MCL1: variants seen among roughly 807,000 people sequenced by gnomAD.
The protein encoded by MCL1 is MCL1 apoptosis regulator, BCL2 family member, also known as induced myeloid leukemia cell differentiation protein Mcl-1.
In MCL1, 4 loss-of-function variants were observed where a neutral mutation model predicts 24.2. The ratio of observed to expected loss-of-function variants is 0.17; its 90% CI spans 0.08 to 0.38. The LOEUF is 0.38. MCL1 is among the 10% of genes least tolerant of loss of function. The probability of loss-of-function intolerance (pLI) is 1.00; values close to 1 mark genes in which losing one functional copy is unlikely to be tolerated. For missense variants in MCL1, 529 were observed against 480.3 expected (o/e 1.10, Z -0.95); for synonymous variants, 248 against 214.0 (o/e 1.16, Z -1.39).
At chr1:150,578,664 C>T in intron 1 of MCL1, 173 bp from the exon 2 acceptor site, 2 of 1,028,174 alleles carry the variant, frequency 1.9e-6, no homozygotes, top group Non-Finnish European at 2.8e-6. Flanking sequence ...CTGCCATTTC[C>T]AAAAGAATCA....
rs1553915871 is a variant in MCL1, at chr1:150,576,411, C to CCTGT, written c.*963_*964insACAG. The stretch of plus-strand genomic sequence containing the variant: ...TCAATCCCAGGTTTTCAAAGAAAAA[C>CCTGT]CTAAGGAATACTTACCAAAATCAGA... On this transcript the variant is annotated 3_prime_UTR_variant, in exon 3 of 3. Transcript: ENST00000369026. 1 of 232,348 alleles carries CCTGT rather than the reference C, an allele frequency of 4.3e-6. No individual in the cohort carries two copies. The highest frequency in any genetic ancestry group is 8.5e-6 in the Non-Finnish European group (1 of 117,432). 14.4% of individuals were successfully genotyped at this position (232,348 alleles called of 1,614,324 possible). A position where few individuals can be genotyped will look rare whatever the true frequency, so the allele number is the denominator to read the frequency against.
rs2101698469 is a variant in MCL1, at chr1:150,579,040, G to A, written c.491C>T (p.Pro164Leu). The stretch of plus-strand genomic sequence containing the variant: ...GTCCTCCTCCTCCTCTGCTGGCGGC[G>A]GCGTCGAGGGTAGTGACCCGTCCGT... ...TSTDGSLPST[P>L]PPAEEEEDEL... The change falls in exon 1 of 3, where the codon CCG becomes CTG. Residue 164 changes from proline (P) to leucine (L), a missense_variant. By Grantham distance (98) the Pro-to-Leu change is moderately conservative. Transcript: ENST00000369026. 1 of 1,613,382 alleles carries A rather than the reference G, an allele frequency of 6.2e-7. No homozygotes were observed. Among genetic ancestry groups the A allele is most frequent in the African/African-American group, 1.3e-5 (1 of 75,034 alleles).
In MCL1 at chr1:150,576,662, CTT is replaced by C; in HGVS notation, c.*711_*712del. 1 of 232,314 alleles carries C rather than the reference CTT, an allele frequency of 4.3e-6. No individual in the cohort carries two copies. Among genetic ancestry groups the C allele is most frequent in the East Asian group, 6.1e-5 (1 of 16,288 alleles). The allele number at this position is 232,314 out of a possible 1,614,324, so 14.4% of individuals were successfully genotyped here. ...ACTTCCTTCGTTTCAAAGAAATAGA[CTT>C]TCTGTAAAAATATATACAATTTTTA... On this transcript the variant is annotated 3_prime_UTR_variant, in exon 3 of 3. Coordinates refer to ENST00000369026, the MANE Select transcript of MCL1 (RefSeq NM_021960.5).
At position 150,576,554 on chromosome 1, in the gene MCL1, T is replaced by C. The variant is rs1400087752; in HGVS notation, c.*821A>G. The C allele has an allele frequency of 1.3e-5, 3 of 232,444 alleles. No individual in the cohort carries two copies. Among genetic ancestry groups the C allele is most frequent in the African/African-American group, 2.2e-5 (1 of 45,278 alleles). The allele number at this position is 232,444 out of a possible 1,614,324, so 14.4% of individuals were successfully genotyped here. On this transcript the variant is annotated 3_prime_UTR_variant, in exon 3 of 3. Coordinates refer to ENST00000369026, the MANE Select transcript of MCL1 (RefSeq NM_021960.5). The stretch of plus-strand genomic sequence containing the variant: ...GAACTGAACAGAACAAAGTTTAGCA[T>C]AGAAAAGCTGTAAGAAACAGGTTCC...
rs2101699051 is a variant in MCL1 at position 150,579,136 on chromosome 1, T to C, written c.395A>G (p.Glu132Gly). 1.2e-6 allele frequency: 2 copies of C among 1,612,452 alleles called. No individual in the cohort carries two copies. The highest frequency in any genetic ancestry group is 1.7e-6 in the Non-Finnish European group (2 of 1,180,016). Residue 132 changes from glutamate to glycine, a missense_variant, in exon 1 of 3, where the codon GAG becomes GGG. By Grantham distance (98) the Glu-to-Gly change is moderately conservative. Transcript: ENST00000369026. Reference protein sequence around the residue: ...PEEELDGYEPEPLGKRPAVLP... With the variant: ...PEEELDGYEPGPLGKRPAVLP... ...GACAGCCGGCCGCTTCCCGAGAGGC[T>C]CCGGCTCGTACCCGTCCAGCTCCTC...
In MCL1 at chr1:150,578,326, C is replaced by G. The variant is rs587731965; in HGVS notation, c.854G>C (p.Ser285Thr). ...AKHLKTINQE[S>T]CIEPLAESIT... ...ACTTTCTGCTAATGGTTCGATGCAG[C>G]TTTCTTGGTTTATGGTCTTCAAGTG... The change falls in exon 2 of 3, where the codon AGC (serine) becomes ACC (threonine). Residue 285 changes from serine (S) to threonine (T), a missense_variant. Coordinates refer to ENST00000369026, the MANE Select transcript of MCL1 (RefSeq NM_021960.5). The G allele has an allele frequency of 6.2e-7, 1 of 1,614,228 alleles. No homozygotes were observed. The highest frequency in any genetic ancestry group is 2.2e-5 in the East Asian group (1 of 44,888).
rs1313624526 is a variant in MCL1, at chr1:150,575,929, C to G, written c.*1446G>C. The G allele has an allele frequency of 4.3e-6, 1 of 233,486 alleles. No individual in the cohort carries two copies. The highest frequency in any genetic ancestry group is 8.5e-6 in the Non-Finnish European group (1 of 118,046). The allele number at this position is 233,486 out of a possible 1,614,324, so 14.5% of individuals were successfully genotyped here. On this transcript the variant is annotated 3_prime_UTR_variant, in exon 3 of 3. Transcript: ENST00000369026. The stretch of plus-strand genomic sequence containing the variant: ...AGACTGAAATCCAAAGATGCCAATG[C>G]AAAAACTTGCAACAAGGTTTGGGAA...
rs2737827 is a variant in MCL1, at chr1:150,574,807, G to A, written c.*2568C>T. On this transcript the variant is annotated 3_prime_UTR_variant, in exon 3 of 3. Transcript: ENST00000369026. ...AAGTCAAAAAGTAGTCACTGGGAGC[G>A]CCATCCTTCTAAGCAAATCCTCCCT... The A allele has an allele frequency of 1.7e-5, 4 of 233,000 alleles. No homozygotes were observed. The highest frequency in any genetic ancestry group is 2.5e-5 in the Non-Finnish European group (3 of 117,768). 14.4% of individuals were successfully genotyped at this position (233,000 alleles called of 1,614,324 possible).
Position 150,579,598 on chromosome 1 carries a change from G to C in MCL1, c.-68C>G. 6.7e-7 allele frequency: 1 copy of C among 1,499,548 alleles called. No homozygotes were observed. The highest frequency in any genetic ancestry group is 9.0e-7 in the Non-Finnish European group (1 of 1,107,778). 92.9% of individuals were successfully genotyped at this position (1,499,548 alleles called of 1,614,324 possible). A position where few individuals can be genotyped will look rare whatever the true frequency, so the allele number is the denominator to read the frequency against. ...CCCCGACTCCTTACTGGAAGGAAGC[G>C]GAAGTGAGAAGTGGCGAGCAGCTCC... On this transcript the variant is annotated 5_prime_UTR_variant, in exon 1 of 3. Transcript: ENST00000369026.
At position 150,579,609 on chromosome 1, in the gene MCL1, G is replaced by A; in HGVS notation, c.-79C>T. On this transcript the variant is annotated 5_prime_UTR_variant, in exon 1 of 3. Transcript: ENST00000369026. ...TACTGGAAGGAAGCGGAAGTGAGAA[G>A]TGGCGAGCAGCTCCTTTATCACGGT... The A allele has an allele frequency of 7.1e-7, 1 of 1,414,946 alleles. No homozygotes were observed. The highest frequency in any genetic ancestry group is 9.6e-7 in the Non-Finnish European group (1 of 1,036,782). The allele number at this position is 1,414,946 out of a possible 1,614,324, so 87.6% of individuals were successfully genotyped here.
chr1:150,578,172 C>T (rs1647894968), intron 2 of MCL1, 72 bp downstream of exon 2: 1 of 1,526,958 alleles, frequency 6.5e-7, no homozygotes, highest in Non-Finnish European at 8.9e-7. Context: ...TTTAGATATC[C>T]CCACCTCTCT....
Position 150,579,068 on chromosome 1 carries a change from T to A in MCL1, c.463A>T (p.Ser155Cys). 1 of 1,613,248 alleles carries A rather than the reference T, an allele frequency of 6.2e-7. No individual in the cohort carries two copies. Among genetic ancestry groups the A allele is most frequent in the Non-Finnish European group, 8.5e-7 (1 of 1,180,028 alleles). The stretch of plus-strand genomic sequence containing the variant: ...GTCGAGGGTAGTGACCCGTCCGTAC[T>A]GGTGTTATTACCAGATTCCCCGACC... ...ELVGESGNNT[S>C]TDGSLPSTPP... The change falls in exon 1 of 3, where the codon AGT becomes TGT. Residue 155 changes from serine (S) to cysteine (C), a missense_variant. Physicochemically the swap from Ser to Cys is moderately radical, Grantham distance 112. Transcript: ENST00000369026.
intron 2 of MCL1, among the ~76,000 whole-genome samples, chr1:150,577,861 T>G (rs1647879566): frequency 1.3e-5 from 2 of 152,208 alleles, no homozygotes; most frequent in South Asian, 4.1e-4. Context: ...AAGTACATCC[T>G]GCATCAGATC....
At chr1:150,577,567 G>A (rs1647865126) in intron 2 of MCL1, 76 bp from the exon 3 acceptor site, 7 of 1,414,272 alleles carry the variant, frequency 4.9e-6, no homozygotes, top group South Asian at 2.9e-5. Context: ...CCAGAGAGAA[G>A]GTAAATTAAA....
At chr1:150,578,569 G>T (rs1647918028) in intron 1 of MCL1, 78 bp from the exon 2 acceptor site, 17 of 1,556,904 alleles carry the variant, frequency 1.1e-5, no homozygotes, top group Non-Finnish European at 1.4e-5. Flanking sequence ...CACCCGCGGC[G>T]GGAAAATCGC....
Position 150,578,920 on chromosome 1 carries a change from G to A in MCL1, c.611C>T (p.Ala204Val). 1 of 1,613,768 alleles carries A rather than the reference G, an allele frequency of 6.2e-7. No individual in the cohort carries two copies. Among genetic ancestry groups the A allele is most frequent in the Non-Finnish European group, 8.5e-7 (1 of 1,180,024 alleles). Residue 204 changes from alanine to valine, a missense_variant, in exon 1 of 3, where the codon GCC (alanine) becomes GTC (valine). Coordinates refer to ENST00000369026, the MANE Select transcript of MCL1 (RefSeq NM_021960.5). ...GGTCTCCAGCGCCTTCCTGCTGGTG[G>A]CCCCAGACCTGCCCATTGGCTTTGT... Reference protein sequence around the residue: ...KDTKPMGRSGATSRKALETLR... With the variant: ...KDTKPMGRSGVTSRKALETLR...
chr1:150,578,787 C>A, intron 1 of MCL1, 56 bp downstream of exon 1: 1 of 1,557,172 alleles, frequency 6.4e-7, no homozygotes, highest in South Asian at 1.2e-5. Context: ...GCGGGTGAGT[C>A]CGGGGAGAGA....
Position 150,579,401 on chromosome 1 carries a change from C to A in MCL1, c.130G>T (p.Ala44Ser), listed in dbSNP as rs758423754. 1 of 1,565,884 alleles carries A rather than the reference C, an allele frequency of 6.4e-7. No homozygotes were observed. Among genetic ancestry groups the A allele is most frequent in the South Asian group, 1.2e-5 (1 of 86,896 alleles). ...RLLATEKEASARREIGGGEAG... is the reference protein window; with the variant it reads ...RLLATEKEASSRREIGGGEAG... ...TCCCCTCCCCCTATCTCTCGCCGGGCCGAGGCCTCCTTCTCCGTAGCCAAA... is the reference window on the plus strand; with the variant it reads ...TCCCCTCCCCCTATCTCTCGCCGGGACGAGGCCTCCTTCTCCGTAGCCAAA... The change falls in exon 1 of 3, where the codon GCC (alanine) becomes TCC (serine). Residue 44 changes from alanine to serine, a missense_variant. Coordinates refer to ENST00000369026, the MANE Select transcript of MCL1 (RefSeq NM_021960.5).
At position 150,576,493 on chromosome 1, in the gene MCL1, TAC is replaced by T. The variant is rs1245077663; in HGVS notation, c.*880_*881del. On this transcript the variant is annotated 3_prime_UTR_variant, in exon 3 of 3. Transcript: ENST00000369026. ...TTTGTTCCACTACAACCAGTCTGCA[TAC>T]AGTTACACATCAATTCGTTCTGTAT... 2.6e-5 allele frequency: 6 copies of T among 232,560 alleles called. No homozygotes were observed. Among genetic ancestry groups the T allele is most frequent in the African/African-American group, 1.1e-4 (5 of 45,312 alleles). 14.4% of individuals were successfully genotyped at this position (232,560 alleles called of 1,614,324 possible).
Sources: allele counts gnomAD v4.1 joint callset (sites outside exome capture counted in the v4.1 genomes callset), GRCh38; gene constraint gnomAD v4.1.1; transcripts MANE v1.5; gene names NCBI Gene and HGNC (gene_info 2026-07-23, HGNC 2026-07-21).